RNF38: variants seen among roughly 807,000 people sequenced by gnomAD.
RNF38 encodes ring finger protein 38.
A neutral mutation model predicts 67.2 loss-of-function variants in RNF38; 15 were observed. The observed-to-expected ratio is 0.22, with a 90% confidence interval of 0.15 to 0.34. RNF38 has a LOEUF of 0.34. RNF38 is among the 10% of genes least tolerant of loss of function. The pLI, the probability that RNF38 is intolerant of heterozygous loss-of-function variation, is 1.00. For missense variants in RNF38, 524 were observed against 639.9 expected (o/e 0.82, Z 1.95); for synonymous variants, 220 against 218.8 (o/e 1.01, Z -0.05).
chr9:36,474,480 G>A lies in RNF38; in HGVS notation n.241+12828C>T, dbSNP rs187247412. 6.7e-5 allele frequency among the ~76,000 whole-genome samples: 10 copies of A among 148,366 alleles called. 3 individuals carry two copies. Among genetic ancestry groups the A allele is most frequent in the East Asian group, 4.4e-4 (2 of 4,502 alleles). On this transcript the variant is annotated intron_variant and non_coding_transcript_variant, in intron 1 of 3. Transcript: ENST00000488058. ...TATCAAAACTACTTGCTGTGTTTTC[G>A]GAGGCTATCTGTAAAGTAAGATGCA... is the stretch of plus-strand genomic sequence containing the variant.
chr9:36,437,899 A>G (rs1336653309), intron 1 of RNF38, among the ~76,000 whole-genome samples: 1 of 152,186 alleles, frequency 6.6e-6, no homozygotes, highest in East Asian at 1.9e-4. Context: ...AAATTTTACA[A>G]AAAGGTTTGT....
intron 2 of RNF38, among the ~76,000 whole-genome samples, chr9:36,408,541 C>T (rs976360654): frequency 2.6e-5 from 4 of 152,024 alleles, no homozygotes; most frequent in Admixed American, 6.6e-5. Context: ...GTTCTGATGC[C>T]CTTCTGTTAA....
rs1007566413 is a variant in RNF38, at chr9:36,345,085, T to C, written c.1264-132A>G. On this transcript the variant is annotated intron_variant, in intron 9 of 11. Transcript: ENST00000259605. ...TAGCGGCTGTTCACAGGCATGATCATTGTGCACTGTGGCCTCGAACTCCTG... is the reference window on the plus strand; with the variant it reads ...TAGCGGCTGTTCACAGGCATGATCACTGTGCACTGTGGCCTCGAACTCCTG... The C allele has an allele frequency of 5.8e-6, 5 of 867,230 alleles. No individual in the cohort carries two copies. In the South Asian group the frequency reaches 9.6e-5, roughly 17 times the overall value. 53.7% of individuals were successfully genotyped at this position (867,230 alleles called of 1,614,324 possible).
chr9:36,389,036 G>C (rs1042449180), intron 2 of RNF38, among the ~76,000 whole-genome samples: 1 of 151,892 alleles, frequency 6.6e-6, no homozygotes, highest in African/African-American at 2.4e-5. Flanking sequence ...GCTTCATGTC[G>C]AACAGTGGTA....
intron 1 of RNF38, among the ~76,000 whole-genome samples, chr9:36,430,200 AT>A (rs1218705858): frequency 1.3e-5 from 2 of 151,784 alleles, no homozygotes; most frequent in Non-Finnish European, 2.9e-5. Flanking sequence ...AAGGCCAAGA[AT>A]TATTATTATT....
At chr9:36,459,909 A>G (rs1839687116) in intron 1 of RNF38, among the ~76,000 whole-genome samples, 1 of 151,984 alleles carries the variant, frequency 6.6e-6, no homozygotes, top group South Asian at 2.1e-4. Flanking sequence ...GATTAGTAAC[A>G]TTGTTGTATT....
intron 4 of RNF38, among the ~76,000 whole-genome samples, chr9:36,367,055 A>T (rs1206053261): frequency 6.6e-6 from 1 of 152,176 alleles, no homozygotes; most frequent in Non-Finnish European, 1.5e-5. Flanking sequence ...CTGGGTATAC[A>T]GCGACTTAAA....
Position 36,353,259 on chromosome 9 carries a change from G to A in RNF38, c.982C>T (p.Pro328Ser), listed in dbSNP as rs755234886. The change falls in exon 7 of 12, where the codon CCA becomes TCA. Residue 328 changes from proline to serine, a missense_variant. Physicochemically the swap from Pro to Ser is moderately conservative, Grantham distance 74 (BLOSUM62 -1). Coordinates refer to ENST00000259605, the MANE Select transcript of RNF38 (RefSeq NM_022781.5). ...HLPVGGFTYPPSAHPPTLPPS... is the reference protein window; with the variant it reads ...HLPVGGFTYPSSAHPPTLPPS... ...GGTAATGTTGGGGGGTGGGCTGATGGAGGGTAAGTAAAACCTCCTACTGGA... is the reference window on the plus strand; with the variant it reads ...GGTAATGTTGGGGGGTGGGCTGATGAAGGGTAAGTAAAACCTCCTACTGGA... 7 of 1,613,502 alleles carry A rather than the reference G, an allele frequency of 4.3e-6. No individual in the cohort carries two copies. The highest frequency in any genetic ancestry group is 5.9e-6 in the Non-Finnish European group (7 of 1,179,620).
rs939483403 is a variant in RNF38 at position 36,485,062 on chromosome 9, G to A, written n.241+2246C>T. Among the ~76,000 whole-genome samples the A allele has an allele frequency of 3.3e-5, 5 of 152,298 alleles. No individual in the cohort carries two copies. The South Asian group carries it at 6.2e-4, about 19-fold the overall frequency. ...CGGGCGCCTGTGGTCCCAGCTACTC[G>A]GGAGGCTGAGGCAGGAGAATGGTGT... On this transcript the variant is annotated intron_variant and non_coding_transcript_variant, in intron 1 of 3. Transcript: ENST00000488058.
intron 6 of RNF38, among the ~76,000 whole-genome samples, chr9:36,354,004 AAAG>A: frequency 6.6e-6 from 1 of 152,328 alleles, no homozygotes; most frequent in African/African-American, 2.4e-5. Context: ...ACAAGAAAAC[AAAG>A]AACAGTTCAT....
Position 36,408,252 on chromosome 9 carries a change from C to A in RNF38, n.312+16361G>T, listed in dbSNP as rs373402108. ...TAGCTGGGACTACAGGCATACACCA[C>A]CACAACAGACTTAATTTTTTTTTTT... On this transcript the variant is annotated intron_variant and non_coding_transcript_variant, in intron 2 of 3. Coordinates refer to the RNF38 transcript ENST00000488058. Among the ~76,000 whole-genome samples, 62 of 150,946 alleles carry A rather than the reference C, an allele frequency of 4.1e-4. No homozygotes were observed. In the East Asian group the frequency reaches 9.8e-3, roughly 24 times the overall value.
intron 1 of RNF38, among the ~76,000 whole-genome samples, chr9:36,448,918 A>G (rs979151871): frequency 7.2e-5 from 11 of 152,210 alleles, no homozygotes; most frequent in Admixed American, 3.3e-4. Context: ...TGCTTGAACC[A>G]GCGAGGTGGA....
chr9:36,432,568 G>A (rs1036593858), intron 1 of RNF38, among the ~76,000 whole-genome samples: 17 of 152,178 alleles, frequency 1.1e-4, no homozygotes, highest in South Asian at 8.3e-4. Context: ...AGGCGGGCGG[G>A]CGGATCACAA....
intron 1 of RNF38, among the ~76,000 whole-genome samples, chr9:36,463,742 A>G (rs1281115778): frequency 6.6e-6 from 1 of 152,226 alleles, no homozygotes; most frequent in East Asian, 1.9e-4. Context: ...TAATTGAACC[A>G]TGCTTTCCAG....
chr9:36,434,280 TA>T (rs1839007174), intron 1 of RNF38, among the ~76,000 whole-genome samples: 1 of 78,260 alleles, frequency 1.3e-5, no homozygotes, highest in Non-Finnish European at 2.5e-5. Context: ...GGGGAAGGGA[TA>T]GGGGAGAAGG....
chr9:36,466,579 C>T (rs1564073881), intron 1 of RNF38, among the ~76,000 whole-genome samples: 3 of 151,902 alleles, frequency 2.0e-5, no homozygotes, highest in South Asian at 2.1e-4. Context: ...ATACGTATTT[C>T]GTATGTCAAA....
At chr9:36,344,784 A>G in intron 10 of RNF38, 48 bp downstream of exon 10, 1 of 1,573,772 alleles carries the variant, frequency 6.4e-7, no homozygotes. Context: ...TTTATTTCAT[A>G]AAGGTAGAAA....
At chr9:36,358,293 A>G (rs1244675631) in intron 4 of RNF38, among the ~76,000 whole-genome samples, 1 of 152,250 alleles carries the variant, frequency 6.6e-6, no homozygotes, top group African/African-American at 2.4e-5. Flanking sequence ...GGTCACATTC[A>G]AAACAAATTT....
intron 1 of RNF38, among the ~76,000 whole-genome samples, chr9:36,394,101 C>G (rs1448972166): frequency 6.6e-6 from 1 of 152,150 alleles, no homozygotes; most frequent in Admixed American, 6.5e-5. Flanking sequence ...ATGATGAAAC[C>G]CCATCTCTAC....
Sources: allele counts gnomAD v4.1 joint callset (sites outside exome capture counted in the v4.1 genomes callset), GRCh38; gene constraint gnomAD v4.1.1; transcripts MANE v1.5; gene names NCBI Gene and HGNC (gene_info 2026-07-23, HGNC 2026-07-21).